Variants in LRBA observed in about 807,000 individuals in gnomAD.
LRBA encodes the protein lipopolysaccharide-responsive and beige-like anchor protein.
Under a neutral mutation model 330.0 loss-of-function variants are expected in LRBA, and 176 were observed. That is an observed-to-expected ratio of 0.53 (90% CI 0.47 to 0.60). The LOEUF (loss-of-function observed/expected upper bound fraction) is 0.60. LRBA is among the 20% of genes least tolerant of loss of function. The pLI, the probability that LRBA is intolerant of heterozygous loss-of-function variation, is 0.00. For synonymous variants in LRBA, 1,230 were observed against 1,193.0 expected (o/e 1.03, Z -0.64); for missense variants, 3,259 against 3,444.8 (o/e 0.95, Z 1.35).
chr4:150,305,333 A>G (rs868362681), intron 52 of LRBA, among the ~76,000 whole-genome samples: 7 of 152,200 alleles, frequency 4.6e-5, no homozygotes, highest in Admixed American at 2.6e-4. Flanking sequence ...TGTTTCTCCA[A>G]TGTCAGTGTA....
intron 40 of LRBA, among the ~76,000 whole-genome samples, chr4:150,544,041 T>C (rs947247657): frequency 7.9e-5 from 12 of 152,138 alleles, no homozygotes; most frequent in African/African-American, 2.9e-4. Context: ...CTTAGAATAG[T>C]ATCAACTGGC....
At chr4:150,448,999 G>A (rs1753014479) in intron 44 of LRBA, among the ~76,000 whole-genome samples, 1 of 152,046 alleles carries the variant, frequency 6.6e-6, no homozygotes, top group African/African-American at 2.4e-5. Flanking sequence ...AGGCAAGGTA[G>A]AAGACCAGGG....
At chr4:150,486,232 T>G (rs1757854484) in intron 42 of LRBA, among the ~76,000 whole-genome samples, 2 of 151,676 alleles carry the variant, frequency 1.3e-5, no homozygotes, top group Non-Finnish European at 2.9e-5. Context: ...GAATTACAAC[T>G]CAATAAAGCT....
intron 47 of LRBA, among the ~76,000 whole-genome samples, chr4:150,376,545 G>C (rs537146069): frequency 2.2e-4 from 33 of 152,216 alleles, no homozygotes; most frequent in Non-Finnish European, 4.3e-4. Flanking sequence ...CAGAAAATAT[G>C]TACTAAACCA....
chr4:150,478,364 A>T (rs905899735), intron 42 of LRBA, among the ~76,000 whole-genome samples: 2 of 152,316 alleles, frequency 1.3e-5, no homozygotes, highest in African/African-American at 4.8e-5. Flanking sequence ...GGATGGAAGG[A>T]TGTTTATACA....
intron 2 of LRBA, among the ~76,000 whole-genome samples, chr4:150,934,342 A>G (rs545886779): frequency 6.9e-4 from 105 of 152,340 alleles, no homozygotes; most frequent in Admixed American, 1.6e-3. Context: ...TGGCCTTCAT[A>G]GAACATACTT....
Position 150,471,733 on chromosome 4 carries a change from A to T in LRBA, c.6558T>A (p.Ile2186=). ...TSFGLPQTRR[I]SLASPRQLFK... Reference sequence around the variant, plus strand: ...AAAGCTGACGTGGACTAGCTAATGAAATACGTCTGCAAGAAAAAGAATTCA... The same window carrying T: ...AAAGCTGACGTGGACTAGCTAATGATATACGTCTGCAAGAAAAAGAATTCA... Residue 2186 remains isoleucine (I), a synonymous_variant, in exon 43 of 57, where the codon ATT becomes ATA. Coordinates refer to ENST00000651943, the MANE Select transcript of LRBA (RefSeq NM_001364905.1). The T allele has an allele frequency of 1.4e-6, 2 of 1,474,734 alleles. No homozygotes were observed. Among genetic ancestry groups the T allele is most frequent in the Non-Finnish European group, 9.4e-7 (1 of 1,061,712 alleles). The allele number at this position is 1,474,734 out of a possible 1,614,324, so 91.4% of individuals were successfully genotyped here.
intron 17 of LRBA, among the ~76,000 whole-genome samples, chr4:150,879,970 C>G (rs1579079649): frequency 6.6e-6 from 1 of 152,176 alleles, no homozygotes; most frequent in East Asian, 1.9e-4. Flanking sequence ...AAGCTGGAGT[C>G]ATCACAATAC....
At position 150,325,849 on chromosome 4, in the gene LRBA, A is replaced by T. The variant is rs763228366; in HGVS notation, c.7412T>A (p.Leu2471His). Reference sequence around the variant, plus strand: ...ACCTCTGGGAGGATGGGGCTCTATGAGTAGTTGAGAAGGAGTCTGTCCAAA... The same window carrying T: ...ACCTCTGGGAGGATGGGGCTCTATGTGTAGTTGAGAAGGAGTCTGTCCAAA... ...RSFGQTPSQL[L>H]IEPHPPRGSA... The change falls in exon 49 of 57, where the codon CTC (leucine) becomes CAC (histidine). Residue 2471 changes from leucine to histidine, a missense_variant. Physicochemically the swap from Leu to His is moderately conservative, Grantham distance 99. Coordinates refer to ENST00000651943, the MANE Select transcript of LRBA (RefSeq NM_001364905.1). The T allele has an allele frequency of 6.2e-7, 1 of 1,613,590 alleles. No individual in the cohort carries two copies. The highest frequency in any genetic ancestry group is 8.5e-7 in the Non-Finnish European group (1 of 1,179,696).
rs1350290734 is a variant in LRBA, at chr4:150,914,227, A to G, written c.1129T>C (p.Phe377Leu). The stretch of plus-strand genomic sequence containing the variant: ...CCCAGGCCCAACTGATAAATAGCAA[A>G]TATCTGAGCTGCATTTAGAGCTTCA... ...FSEALNAAQI[F>L]AIYQLGLGYK... Residue 377 changes from phenylalanine to leucine, a missense_variant, in exon 9 of 57, where the codon TTT becomes CTT. By Grantham distance (22) the Phe-to-Leu change is conservative. Coordinates refer to ENST00000651943, the MANE Select transcript of LRBA (RefSeq NM_001364905.1). 3 of 1,609,890 alleles carry G rather than the reference A, an allele frequency of 1.9e-6. No homozygotes were observed. Among genetic ancestry groups the G allele is most frequent in the Non-Finnish European group, 2.5e-6 (3 of 1,177,514 alleles).
intron 2 of LRBA, among the ~76,000 whole-genome samples, chr4:150,960,344 C>A (rs947977837): frequency 6.7e-6 from 1 of 148,330 alleles, no homozygotes; most frequent in East Asian, 1.9e-4. Context: ...GCAGGAAATA[C>A]GGAGGACACA....
Position 150,583,150 on chromosome 4 carries a change from G to A in LRBA, c.6330+4898C>T. 1 of 1,614,200 alleles carries A rather than the reference G, an allele frequency of 6.2e-7. No homozygotes were observed. The highest frequency in any genetic ancestry group is 1.7e-5 in the Admixed American group (1 of 60,032). ...AGAGGTCTGTAAGGTGGTCTCGGAC[G>A]TGCTCAAGGAAGTGGAGGTGCAGGA... On this transcript the variant is annotated intron_variant, in intron 40 of 56. Transcript: ENST00000651943. The surrounding 1 kb of genome is among the most constrained non-coding windows in gnomAD (Gnocchi z 9.8).
chr4:150,582,169 G>C (rs1013517494), intron 40 of LRBA: 2 of 151,980 alleles, frequency 1.3e-5, no homozygotes, highest in Admixed American at 6.6e-5. Context: ...CGCAAGCAAC[G>C]ACTTCGTCAC....
chr4:150,908,935 T>C, intron 9 of LRBA, 78 bp from the exon 10 acceptor site: 1 of 903,100 alleles, frequency 1.1e-6, no homozygotes. Context: ...TGTAAAACTT[T>C]AAGGAGACAG....
intron 56 of LRBA, 112 bp downstream of exon 56, chr4:150,277,741 A>T: frequency 9.0e-7 from 1 of 1,110,548 alleles, no homozygotes. Flanking sequence ...GGCTCAAGTG[A>T]TTCTCCTGCC....
intron 2 of LRBA, among the ~76,000 whole-genome samples, chr4:150,958,258 T>C (rs1457552834): frequency 6.7e-6 from 1 of 149,198 alleles, no homozygotes; most frequent in Non-Finnish European, 1.5e-5. Flanking sequence ...ACCTCAGTTC[T>C]TGACTTCTGT....
chr4:150,269,364 C>T (rs542184685), intron 56 of LRBA, among the ~76,000 whole-genome samples: 35 of 152,192 alleles, frequency 2.3e-4, no homozygotes, highest in African/African-American at 8.4e-4. Context: ...AAATAGGGTG[C>T]CAAGACCTTT....
At chr4:150,891,277 G>C (rs962677546) in intron 17 of LRBA, among the ~76,000 whole-genome samples, 4 of 152,120 alleles carry the variant, frequency 2.6e-5, no homozygotes, top group African/African-American at 9.7e-5. Context: ...CTTGTTCAAA[G>C]TAATAATTAT....
intron 55 of LRBA, among the ~76,000 whole-genome samples, chr4:150,279,075 C>T (rs541007118): frequency 9.2e-5 from 14 of 152,256 alleles, no homozygotes; most frequent in Admixed American, 7.8e-4. Context: ...TCCACCCGCT[C>T]GGACTCCCAA....
Sources: allele counts gnomAD v4.1 joint callset (sites outside exome capture counted in the v4.1 genomes callset), GRCh38; gene constraint gnomAD v4.1.1; non-coding constraint Gnocchi (gnomAD v3.1); transcripts MANE v1.5; gene names NCBI Gene and HGNC (gene_info 2026-07-23, HGNC 2026-07-21).